The following COBLL1 variants were observed in gnomAD, a reference collection of about 807,000 sequenced individuals.
The protein encoded by COBLL1 is cordon-bleu WH2 repeat protein like 1.
In COBLL1, 50 loss-of-function variants were observed where a neutral mutation model predicts 94.8. The ratio of observed to expected loss-of-function variants is 0.53; its 90% CI spans 0.42 to 0.67. The LOEUF (loss-of-function observed/expected upper bound fraction) is 0.67, where lower values mean the gene tolerates loss of function less well. Ranked by LOEUF, COBLL1 falls within the 30% of genes least tolerant of loss-of-function variation. The probability of loss-of-function intolerance (pLI) is 0.00; values close to 1 mark genes in which losing one functional copy is unlikely to be tolerated. For missense variants in COBLL1, 1,362 were observed against 1,348.7 expected, an observed-to-expected ratio of 1.01 and a Z score of -0.15; for synonymous variants, 448 against 473.8, an observed-to-expected ratio of 0.95 and a Z score of 0.71.
At chr2:164,760,255 T>A (rs1039029685) in intron 2 of COBLL1, among the ~76,000 whole-genome samples, 1 of 152,140 alleles carries the variant, frequency 6.6e-6, no homozygotes. Flanking sequence ...CTCGGATGGA[T>A]CTCAAGGGTA....
rs963564080 is a variant in COBLL1 at position 164,695,507 on chromosome 2, C to G, written c.1885G>C (p.Glu629Gln). The G allele has an allele frequency of 3.1e-6, 5 of 1,613,794 alleles. No individual in the cohort carries two copies. The highest frequency in any genetic ancestry group is 4.2e-6 in the Non-Finnish European group (5 of 1,179,910). ...DHNLSDSKVE[E>Q]CVQTSNNNIS... The stretch of plus-strand genomic sequence containing the variant: ...TTGTTATTTGAAGTTTGCACACATT[C>G]TTCAACTTTGGAGTCAGATAAATTA... The change falls in exon 12 of 14, where the codon GAA (glutamate) becomes CAA (glutamine). Residue 629 changes from glutamate (E) to glutamine (Q), a missense_variant. Coordinates refer to ENST00000652658, the MANE Select transcript of COBLL1 (RefSeq NM_001365672.2).
intron 2 of COBLL1, among the ~76,000 whole-genome samples, chr2:164,661,255 T>TA (rs917416534): frequency 9.2e-5 from 14 of 152,052 alleles, no homozygotes; most frequent in Admixed American, 2.0e-4. Context: ...ACTGTGAGTT[T>TA]AAAAAAATGA....
intron 2 of COBLL1, among the ~76,000 whole-genome samples, chr2:164,833,066 A>C (rs1355929905): frequency 2.0e-5 from 3 of 151,926 alleles, no homozygotes; most frequent in African/African-American, 7.3e-5. Flanking sequence ...AACAAAAAAC[A>C]GAACACTACA....
intron 1 of COBLL1, among the ~76,000 whole-genome samples, chr2:164,668,397 T>C (rs1280196648): frequency 1.3e-5 from 2 of 152,172 alleles, no homozygotes; most frequent in African/African-American, 2.4e-5. Context: ...CTAGTTTCAA[T>C]ATGTTGCGTC....
At chr2:164,667,317 C>T (rs936954791) in intron 1 of COBLL1, among the ~76,000 whole-genome samples, 13 of 152,056 alleles carry the variant, frequency 8.5e-5, no homozygotes, top group African/African-American at 1.2e-4. Context: ...AGCATAATTA[C>T]GAAGGACGCT....
intron 2 of COBLL1, among the ~76,000 whole-genome samples, chr2:164,745,245 CA>C (rs1686805650): frequency 6.6e-6 from 1 of 152,140 alleles, no homozygotes; most frequent in African/African-American, 2.4e-5. Context: ...AAGGTTCCTA[CA>C]ATGTACATTC....
At chr2:164,664,765 G>C (rs886441881) in intron 2 of COBLL1, among the ~76,000 whole-genome samples, 41 of 152,260 alleles carry the variant, frequency 2.7e-4, no homozygotes, top group African/African-American at 9.6e-4. Flanking sequence ...CAGAGCATTT[G>C]AATACAAGAT....
At chr2:164,663,583 A>T (rs1691103538) in intron 2 of COBLL1, among the ~76,000 whole-genome samples, 1 of 152,236 alleles carries the variant, frequency 6.6e-6, no homozygotes, top group Admixed American at 6.5e-5. Flanking sequence ...GATAAAGAAT[A>T]TGTGGTACAT....
At chr2:164,772,004 T>C (rs1688228644) in intron 2 of COBLL1, 1 of 151,936 alleles carries the variant, frequency 6.6e-6, no homozygotes, top group Admixed American at 6.6e-5. Flanking sequence ...GTATGCATAG[T>C]GGGAGTAAAC....
At chr2:164,679,281 T>A (rs142009665), downstream of COBLL1, among the ~76,000 whole-genome samples, 769 of 152,198 alleles carry the variant, frequency 5.1e-3, 6 homozygotes, top group Non-Finnish European at 8.2e-3. Context: ...TCGTACAAAT[T>A]ACCAGCCATC....
At chr2:164,743,036 A>G (rs2105559378) in intron 3 of COBLL1, among the ~76,000 whole-genome samples, 1 of 152,204 alleles carries the variant, frequency 6.6e-6, no homozygotes, top group East Asian at 1.9e-4. Context: ...CATTTTTCCA[A>G]TTTTCGCAAA....
intron 2 of COBLL1, among the ~76,000 whole-genome samples, chr2:164,748,870 A>G (rs2105578530): frequency 6.6e-6 from 1 of 152,320 alleles, no homozygotes; most frequent in East Asian, 1.9e-4. Context: ...CTTTATTAAA[A>G]TTATCTCAAT....
intron 2 of COBLL1, among the ~76,000 whole-genome samples, chr2:164,800,831 A>C (rs1683737515): frequency 6.6e-6 from 1 of 150,898 alleles, no homozygotes; most frequent in African/African-American, 2.4e-5. Flanking sequence ...TATTTTTAAG[A>C]CATTCATAAA....
chr2:164,757,194 C>A (rs1291606903), intron 2 of COBLL1, among the ~76,000 whole-genome samples: 2 of 152,154 alleles, frequency 1.3e-5, no homozygotes, highest in Non-Finnish European at 2.9e-5. Flanking sequence ...TTCAGTTAGA[C>A]TTAATGATAT....
chr2:164,690,382 T>C (rs999036660), intron 13 of COBLL1, among the ~76,000 whole-genome samples: 1 of 152,202 alleles, frequency 6.6e-6, no homozygotes, highest in Non-Finnish European at 1.5e-5. Flanking sequence ...GAACCTAAAG[T>C]AATTAGTTTT....
At chr2:164,783,417 AAGAAG>A (rs1161992656) in intron 2 of COBLL1, among the ~76,000 whole-genome samples, 1 of 151,912 alleles carries the variant, frequency 6.6e-6, no homozygotes, top group East Asian at 1.9e-4. Flanking sequence ...CCCTGTTGAG[AAGAAG>A]AGAAAAGAAA....
chr2:164,716,434 G>T (rs1438991252), intron 7 of COBLL1, among the ~76,000 whole-genome samples: 1 of 152,020 alleles, frequency 6.6e-6, no homozygotes, highest in Admixed American at 6.6e-5. Flanking sequence ...TAATGGGAAA[G>T]TTTTCTTTTC....
chr2:164,747,243 A>G (rs1038705373), intron 2 of COBLL1, among the ~76,000 whole-genome samples: 1 of 152,136 alleles, frequency 6.6e-6, no homozygotes, highest in African/African-American at 2.4e-5. Flanking sequence ...TGAATGAAAA[A>G]TACACACTGG....
chr2:164,713,506 A>G (rs985594824), intron 7 of COBLL1, among the ~76,000 whole-genome samples: 8 of 152,108 alleles, frequency 5.3e-5, no homozygotes, highest in African/African-American at 1.9e-4. Flanking sequence ...ACCACCACCA[A>G]CAGTAACTTG....
Sources: allele counts gnomAD v4.1 joint callset (sites outside exome capture counted in the v4.1 genomes callset), GRCh38; gene constraint gnomAD v4.1.1; transcripts MANE v1.5; gene names NCBI Gene and HGNC (gene_info 2026-07-23, HGNC 2026-07-21).